The following AK4 variants were observed in gnomAD, a reference collection of about 807,000 sequenced individuals.
AK4 encodes the protein adenylate kinase 4, also known as adenylate kinase 4, mitochondrial.
Under a neutral mutation model 24.6 loss-of-function variants are expected in AK4, and 13 were observed. The observed-to-expected ratio is 0.53, with a 90% CI of 0.34 to 0.84. The LOEUF (loss-of-function observed/expected upper bound fraction) is 0.84. AK4 is among the 40% of genes least tolerant of loss of function. AK4 has a pLI of 0.01. For synonymous variants in AK4, 88 were observed against 107.0 expected (o/e 0.82, Z 1.10); for missense variants, 192 against 288.2 (o/e 0.67, Z 2.42).
intron 1 of AK4, among the ~76,000 whole-genome samples, chr1:65,162,013 C>G (rs1355988287): frequency 6.6e-6 from 1 of 151,780 alleles, no homozygotes; most frequent in Non-Finnish European, 1.5e-5. Flanking sequence ...TTTGAGAGGC[C>G]GAGGCAGAAG....
intron 2 of AK4, among the ~76,000 whole-genome samples, chr1:65,217,487 G>C (rs1289379411): frequency 6.6e-6 from 1 of 152,032 alleles, no homozygotes; most frequent in Admixed American, 6.6e-5. Context: ...CATCTACCTG[G>C]TTCTTTAACT....
rs1470397379 is a variant in AK4, at chr1:65,226,820, TTTTTTTTG to T, written c.*644_*651del. On this transcript the variant is annotated 3_prime_UTR_variant, in exon 5 of 5. Coordinates refer to ENST00000327299, the MANE Select transcript of AK4 (RefSeq NM_013410.4). ...AAGAATTTGGCTTTTTTTTTTCTTT[TTTTTTTTG>T]GACATCTGTTTTCACTCTTAGGCTT... 1.3e-5 allele frequency: 2 copies of T among 151,212 alleles called. No homozygotes were observed. The highest frequency in any genetic ancestry group is 4.9e-5 in the African/African-American group (2 of 40,434). The allele number at this position is 151,212 out of a possible 1,614,324, so 9.4% of individuals were successfully genotyped here.
chr1:65,179,411 A>T (rs535320320), intron 1 of AK4, among the ~76,000 whole-genome samples: 1 of 152,320 alleles, frequency 6.6e-6, no homozygotes, highest in African/African-American at 2.4e-5. Flanking sequence ...GGGCTGTATG[A>T]CTTATTAACT....
At chr1:65,149,394 T>C (rs1314862793) in intron 1 of AK4, among the ~76,000 whole-genome samples, 1 of 152,168 alleles carries the variant, frequency 6.6e-6, no homozygotes, top group Non-Finnish European at 1.5e-5. Flanking sequence ...CACTCCACGT[T>C]CACACCAGTT....
intron 1 of AK4, among the ~76,000 whole-genome samples, chr1:65,170,115 G>A (rs1394530834): frequency 1.3e-5 from 2 of 152,110 alleles, no homozygotes; most frequent in Admixed American, 6.5e-5. Context: ...GGTGGCTCAC[G>A]CCTGTAATCC....
chr1:65,159,587 G>T (rs1044192829), intron 1 of AK4, among the ~76,000 whole-genome samples: 4 of 152,070 alleles, frequency 2.6e-5, no homozygotes, highest in Admixed American at 6.5e-5. Context: ...AGTCCAGGAG[G>T]CTACAGTGAG....
chr1:65,208,544 T>C (rs1298460163), intron 2 of AK4, among the ~76,000 whole-genome samples: 2 of 152,188 alleles, frequency 1.3e-5, no homozygotes, highest in East Asian at 1.9e-4. Flanking sequence ...TTCTTACTTA[T>C]TCAACAACTG....
chr1:65,196,417 C>CA (rs1261919591), intron 2 of AK4, among the ~76,000 whole-genome samples: 1 of 152,116 alleles, frequency 6.6e-6, no homozygotes, highest in Non-Finnish European at 1.5e-5. Context: ...AAAAGTTCAG[C>CA]ACTACCTTCC....
At chr1:65,179,865 A>C (rs1388543292) in intron 1 of AK4, among the ~76,000 whole-genome samples, 2 of 152,168 alleles carry the variant, frequency 1.3e-5, no homozygotes, top group African/African-American at 4.8e-5. Context: ...AATGGTCTAG[A>C]ACAACCCTTG....
chr1:65,216,606 T>G (rs543520896), intron 2 of AK4, among the ~76,000 whole-genome samples: 19 of 124,144 alleles, frequency 1.5e-4, no homozygotes, highest in South Asian at 4.2e-4. Context: ...ATCTTGAGGT[T>G]GTTTGGGCTG....
chr1:65,154,161 G>T (rs1269652599), intron 1 of AK4, among the ~76,000 whole-genome samples: 1 of 152,184 alleles, frequency 6.6e-6, no homozygotes, highest in African/African-American at 2.4e-5. Context: ...AGAGTGGCCT[G>T]TGGTTTGAAC....
At chr1:65,160,602 GT>G (rs1176316374) in intron 1 of AK4, among the ~76,000 whole-genome samples, 4 of 151,326 alleles carry the variant, frequency 2.6e-5, no homozygotes, top group Non-Finnish European at 4.4e-5. Context: ...AATAAATTAA[GT>G]TTTTTTTTGG....
chr1:65,197,766 C>T (rs908335109), intron 2 of AK4, among the ~76,000 whole-genome samples: 3 of 152,194 alleles, frequency 2.0e-5, no homozygotes, highest in Non-Finnish European at 4.4e-5. Flanking sequence ...ATGTGTTTTA[C>T]CATACGAGGC....
intron 1 of AK4, among the ~76,000 whole-genome samples, chr1:65,152,360 C>CTCTCTCTATATATA (rs1277948363): frequency 7.2e-5 from 2 of 27,958 alleles, no homozygotes; most frequent in African/African-American, 1.1e-4. Flanking sequence ...CTCTCTCTCT[C>CTCTCTCTATATATA]TATATATATA....
intron 1 of AK4, among the ~76,000 whole-genome samples, chr1:65,189,708 G>A (rs1651231449): frequency 6.6e-6 from 1 of 152,030 alleles, no homozygotes; most frequent in African/African-American, 2.4e-5. Flanking sequence ...GAAATGTACA[G>A]ATTTAAACTG....
chr1:65,175,385 G>T (rs1032904104), intron 1 of AK4, among the ~76,000 whole-genome samples: 9 of 152,198 alleles, frequency 5.9e-5, no homozygotes, highest in African/African-American at 1.9e-4. Flanking sequence ...ACTCTCATGG[G>T]CAGCAGTAGC....
chr1:65,176,308 C>T (rs959011702), intron 1 of AK4, among the ~76,000 whole-genome samples: 1 of 152,086 alleles, frequency 6.6e-6, no homozygotes, highest in East Asian at 1.9e-4. Flanking sequence ...ATTTCTGGAC[C>T]CTGGGTACAA....
Position 65,148,568 on chromosome 1 carries a change from G to T in AK4, c.145+16G>T. 1 of 1,590,200 alleles carries T rather than the reference G, an allele frequency of 6.3e-7. No homozygotes were observed. ...GCCAGCACCGGTGAGGGGCTGCGGGGACGAGGGCCGGGGGCGAGCCGCGTT... is the reference window on the plus strand; with the variant it reads ...GCCAGCACCGGTGAGGGGCTGCGGGTACGAGGGCCGGGGGCGAGCCGCGTT... On this transcript the variant is annotated intron_variant, in intron 1 of 4. Coordinates refer to ENST00000327299, the MANE Select transcript of AK4 (RefSeq NM_013410.4).
chr1:65,206,392 C>T (rs577146504), intron 2 of AK4, among the ~76,000 whole-genome samples: 15 of 152,306 alleles, frequency 9.8e-5, no homozygotes, highest in African/African-American at 3.6e-4. Flanking sequence ...TTTCTTTAGT[C>T]TTAATTGAGA....
Sources: gnomAD v4.1 joint callset for allele counts (sites outside exome capture counted in the v4.1 genomes callset) on GRCh38, gnomAD v4.1.1 for gene constraint, MANE v1.5 for transcripts, NCBI Gene and HGNC (gene_info 2026-07-23, HGNC 2026-07-21) for gene names.